TMEM87B: variants seen among roughly 807,000 people sequenced by gnomAD.
TMEM87B encodes transmembrane protein 87B.
A neutral mutation model predicts 80.3 loss-of-function variants in TMEM87B; 83 were observed. The observed-to-expected ratio is 1.03, with a 90% confidence interval of 0.87 to 1.24. The LOEUF is 1.24. Among genes scored for constraint, TMEM87B ranks in the 50% most tolerant of loss-of-function variants. TMEM87B has a pLI of 0.00. For synonymous variants in TMEM87B, 219 were observed against 230.5 expected (o/e 0.95, Z 0.45); for missense variants, 625 against 674.4 (o/e 0.93, Z 0.81).
Position 112,117,047 on chromosome 2 carries a change from G to T in TMEM87B, c.*904G>T, listed in dbSNP as rs1270023288. 2.0e-5 allele frequency: 3 copies of T among 152,396 alleles called. No homozygotes were observed. Among genetic ancestry groups the T allele is most frequent in the Middle Eastern group, 3.4e-3 (1 of 294 alleles). The allele number at this position is 152,396 out of a possible 1,614,324, so 9.4% of individuals were successfully genotyped here. On this transcript the variant is annotated 3_prime_UTR_variant, in exon 19 of 19. Coordinates refer to ENST00000283206, the MANE Select transcript of TMEM87B (RefSeq NM_032824.3). ...TCATAATAAAAACATACATTTAGTT[G>T]CATGCTACATCACTATTGATTTTAT...
rs1678002187 is a variant in TMEM87B at position 112,055,288 on chromosome 2, G to T, written c.-304G>T. ...TCTTCTATCTTCACGCCCACGCTAG[G>T]CCCTGAGCCCAGCCTCCACGTCTCG... On this transcript the variant is annotated 5_prime_UTR_variant, in exon 1 of 19. Coordinates refer to ENST00000283206, the MANE Select transcript of TMEM87B (RefSeq NM_032824.3). 9.2e-6 allele frequency: 4 copies of T among 437,148 alleles called. No homozygotes were observed. Among genetic ancestry groups the T allele is most frequent in the Non-Finnish European group, 1.6e-5 (4 of 246,388 alleles). The allele number at this position is 437,148 out of a possible 1,614,324, so 27.1% of individuals were successfully genotyped here.
chr2:112,098,068 C>T (rs764004662), intron 13 of TMEM87B, among the ~76,000 whole-genome samples: 9 of 152,002 alleles, frequency 5.9e-5, no homozygotes, highest in Non-Finnish European at 1.0e-4. Context: ...CTCCGCCTCC[C>T]GGGTTGAAGC....
chr2:112,073,987 C>T (rs1031479145), intron 4 of TMEM87B, among the ~76,000 whole-genome samples: 1 of 152,052 alleles, frequency 6.6e-6, no homozygotes, highest in Non-Finnish European at 1.5e-5. Flanking sequence ...CTGTGGGTGT[C>T]GTTATATGTG....
chr2:112,071,902 T>A (rs966450323), intron 4 of TMEM87B, among the ~76,000 whole-genome samples: 2 of 152,184 alleles, frequency 1.3e-5, no homozygotes, highest in African/African-American at 4.8e-5. Flanking sequence ...CCATTAAGTA[T>A]GATGTTGGCT....
chr2:112,090,791 C>G (rs981496656), intron 10 of TMEM87B, among the ~76,000 whole-genome samples: 1 of 152,100 alleles, frequency 6.6e-6, no homozygotes, highest in African/African-American at 2.4e-5. Flanking sequence ...TTATATCTTA[C>G]CTAATCCAAA....
At chr2:112,099,020 T>C (rs974412350) in intron 14 of TMEM87B, among the ~76,000 whole-genome samples, 6 of 150,880 alleles carry the variant, frequency 4.0e-5, no homozygotes, top group African/African-American at 9.8e-5. Context: ...TGAGATACTT[T>C]GGAGGCCAGT....
chr2:112,091,978 G>A (rs1401838751), intron 11 of TMEM87B, among the ~76,000 whole-genome samples, 195 bp downstream of exon 11: 1 of 152,216 alleles, frequency 6.6e-6, no homozygotes, highest in Non-Finnish European at 1.5e-5. Context: ...TTAGCAAACA[G>A]TTAGTGCTCA....
intron 9 of TMEM87B, 127 bp from the exon 10 acceptor site, chr2:112,089,498 C>A (rs1046714683): frequency 2.5e-6 from 2 of 796,640 alleles, no homozygotes; most frequent in Non-Finnish European, 2.1e-6. Flanking sequence ...ACCTCAGAGC[C>A]GGGAACAGAC....
chr2:112,085,233 A>G (rs1679108398), intron 8 of TMEM87B, among the ~76,000 whole-genome samples: 2 of 152,186 alleles, frequency 1.3e-5, no homozygotes, highest in Admixed American at 6.5e-5. Flanking sequence ...TTTTCTTGAC[A>G]TCTACCATTA....
At position 112,089,832 on chromosome 2, in the gene TMEM87B, G is replaced by A. The variant is rs1265174625; in HGVS notation, c.1032+114G>A. 8 of 955,132 alleles carry A rather than the reference G, an allele frequency of 8.4e-6. No individual in the cohort carries two copies. The Admixed American group carries it at 1.7e-4, about 20-fold the overall frequency. The allele number at this position is 955,132 out of a possible 1,614,324, so 59.2% of individuals were successfully genotyped here. A position where few individuals can be genotyped will look rare whatever the true frequency, so the allele number is the denominator to read the frequency against. On this transcript the variant is annotated intron_variant, in intron 10 of 18. Transcript: ENST00000283206. ...GAAACTTGTGAAAAAGGCCCAATTT[G>A]AACTTTTCTTCTATGGGATGTTTCC...
At chr2:112,079,144 C>T (rs569293594) in intron 6 of TMEM87B, among the ~76,000 whole-genome samples, 1 of 152,298 alleles carries the variant, frequency 6.6e-6, no homozygotes, top group African/African-American at 2.4e-5. Flanking sequence ...TGTACTCTCT[C>T]AGCAATTTTG....
At chr2:112,080,361 G>A (rs1241737913) in intron 6 of TMEM87B, among the ~76,000 whole-genome samples, 5 of 152,168 alleles carry the variant, frequency 3.3e-5, no homozygotes, top group Middle Eastern at 3.4e-3. Context: ...CTGGGTTCAC[G>A]CCATTCTCCT....
At chr2:112,096,497 T>C (rs1380100413) in intron 11 of TMEM87B, among the ~76,000 whole-genome samples, 2 of 152,246 alleles carry the variant, frequency 1.3e-5, no homozygotes, top group African/African-American at 4.8e-5. Flanking sequence ...CCCGTTGCAG[T>C]CATCTTTCAA....
At chr2:112,103,207 C>A (rs941019185) in intron 15 of TMEM87B, among the ~76,000 whole-genome samples, 1 of 152,022 alleles carries the variant, frequency 6.6e-6, no homozygotes, top group Non-Finnish European at 1.5e-5. Flanking sequence ...ATTTACCATA[C>A]CTTCAAAAAT....
chr2:112,113,396 A>G (rs991351718), intron 18 of TMEM87B, among the ~76,000 whole-genome samples: 2 of 152,220 alleles, frequency 1.3e-5, no homozygotes, highest in South Asian at 2.1e-4. Flanking sequence ...GTAAGAATTA[A>G]AGACTGGATG....
chr2:112,084,627 G>A (rs898471401), intron 8 of TMEM87B, among the ~76,000 whole-genome samples: 2 of 152,196 alleles, frequency 1.3e-5, no homozygotes, highest in African/African-American at 4.8e-5. Flanking sequence ...TCTCTTGTGA[G>A]TTCTTGCAGG....
intron 15 of TMEM87B, 149 bp downstream of exon 15, chr2:112,100,844 C>T (rs1318147177): frequency 2.2e-5 from 11 of 509,686 alleles, no homozygotes; most frequent in Non-Finnish European, 3.4e-5. Context: ...TTTTGGTAGA[C>T]AGTAACAGAA....
At chr2:112,079,857 C>T (rs1042063848) in intron 6 of TMEM87B, among the ~76,000 whole-genome samples, 1 of 150,836 alleles carries the variant, frequency 6.6e-6, no homozygotes, top group Non-Finnish European at 1.5e-5. Flanking sequence ...TGATGTTGAG[C>T]ATTTTTCATG....
At chr2:112,106,140 T>A in intron 16 of TMEM87B, 65 bp downstream of exon 16, 1 of 1,011,774 alleles carries the variant, frequency 9.9e-7, no homozygotes, top group Non-Finnish European at 1.4e-6. Context: ...TAGAGAGCTA[T>A]ACGAGTGTCA....
Sources: gnomAD v4.1 joint callset for allele counts (sites outside exome capture counted in the v4.1 genomes callset) on GRCh38, gnomAD v4.1.1 for gene constraint, MANE v1.5 for transcripts, NCBI Gene and HGNC (gene_info 2026-07-23, HGNC 2026-07-21) for gene names.